KANSL1: variants seen among roughly 807,000 people sequenced by gnomAD.
KANSL1 encodes KAT8 regulatory NSL complex subunit 1.
A neutral mutation model predicts 103.6 loss-of-function variants in KANSL1; 22 were observed. That is an observed-to-expected ratio of 0.21 (90% CI 0.15 to 0.30). KANSL1 has a LOEUF of 0.30. KANSL1 is among the 10% of genes least tolerant of loss of function. The pLI is 1.00. For synonymous variants in KANSL1, 600 were observed against 527.6 expected, an observed-to-expected ratio of 1.14 and a Z score of -1.88; for missense variants, 1,337 against 1,399.8, an observed-to-expected ratio of 0.96 and a Z score of 0.72.
At chr17:46,133,016 CTGTT>C (rs2043944152) in intron 2 of KANSL1, among the ~76,000 whole-genome samples, 2 of 152,224 alleles carry the variant, frequency 1.3e-5, no homozygotes, top group African/African-American at 2.4e-5. Context: ...ATCATGGAGA[CTGTT>C]TGTTTAGGGT....
chr17:46,075,550 T>A (rs1287776681), intron 4 of KANSL1, among the ~76,000 whole-genome samples: 2 of 152,204 alleles, frequency 1.3e-5, no homozygotes, highest in African/African-American at 2.4e-5. Context: ...TTGGCCAGGC[T>A]GGTCTCAAAT....
At chr17:46,208,850 C>T (rs1356238726) in intron 1 of KANSL1, among the ~76,000 whole-genome samples, 1 of 139,058 alleles carries the variant, frequency 7.2e-6, no homozygotes, top group Non-Finnish European at 1.5e-5. Flanking sequence ...AAGACTCCGT[C>T]TCAAAAAAAA....
intron 1 of KANSL1, among the ~76,000 whole-genome samples, chr17:46,174,024 T>C (rs954130116): frequency 2.0e-5 from 3 of 152,254 alleles, no homozygotes; most frequent in Non-Finnish European, 4.4e-5. Flanking sequence ...GACATTTCCT[T>C]GCAAATGAAC....
intron 3 of KANSL1, among the ~76,000 whole-genome samples, chr17:46,091,820 T>TGTATGTATGTATGTAG (rs2079402837): frequency 6.6e-6 from 1 of 151,964 alleles, no homozygotes; most frequent in African/African-American, 2.4e-5. Context: ...TAAGTATGTA[T>TGTATGTATGTATGTAG]GTATGTATGT....
chr17:46,062,878 C>CT (rs2078230133), intron 6 of KANSL1, among the ~76,000 whole-genome samples: 2 of 151,656 alleles, frequency 1.3e-5, no homozygotes, highest in African/African-American at 2.4e-5. Context: ...GGTGAAACCT[C>CT]ATCTCTACTA....
upstream of KANSL1, among the ~76,000 whole-genome samples, chr17:46,223,978 A>C (rs1303497901): frequency 6.6e-6 from 1 of 151,476 alleles, no homozygotes; most frequent in Non-Finnish European, 1.5e-5. Context: ...ATGTGTGTAG[A>C]AACATACTTT....
chr17:46,034,211 A>G lies in KANSL1; in HGVS notation c.2616T>C (p.Ala872=). 9 of 1,614,206 alleles carry G rather than the reference A, an allele frequency of 5.6e-6. No individual in the cohort carries two copies. The highest frequency in any genetic ancestry group is 2.2e-5 in the East Asian group (1 of 44,890). ...INNIVIPMSV[A]ATTRVEKLQY... ...GCAGTTTCTCTACGCGAGTTGTTGC[A>G]GCAACAGACATTGGGATGACAATGT... is the stretch of plus-strand genomic sequence containing the variant. The change falls in exon 11 of 15, where the codon GCT becomes GCC. Residue 872 remains alanine, a synonymous_variant. Transcript: ENST00000432791.
rs1474166728 is a variant in KANSL1, at chr17:46,033,108, T to G, written c.2809A>C (p.Ser937Arg). The change falls in exon 13 of 15, where the codon AGT becomes CGT. Residue 937 changes from serine to arginine, a missense_variant. Coordinates refer to ENST00000432791, the MANE Select transcript of KANSL1 (RefSeq NM_015443.4). The part of the protein sequence containing the change: ...MERARWLWTT[S>R]VPPQRRGSRS... Reference sequence around the variant, plus strand: ...CTGCCCCGCCGCTGGGGTGGCACACTCGTGGTCCACAGCCACCGTGCCCTC... The same window carrying G: ...CTGCCCCGCCGCTGGGGTGGCACACGCGTGGTCCACAGCCACCGTGCCCTC... 6.3e-7 allele frequency: 1 copy of G among 1,598,016 alleles called. No individual in the cohort carries two copies. The highest frequency in any genetic ancestry group is 8.5e-7 in the Non-Finnish European group (1 of 1,171,854).
chr17:46,139,165 A>G (rs560306651), intron 2 of KANSL1, among the ~76,000 whole-genome samples: 1 of 152,324 alleles, frequency 6.6e-6, no homozygotes, highest in Non-Finnish European at 1.5e-5. Context: ...ACAGGAAACC[A>G]ATGTCTATTT....
At chr17:46,138,322 A>C (rs916163310) in intron 2 of KANSL1, among the ~76,000 whole-genome samples, 6 of 152,232 alleles carry the variant, frequency 3.9e-5, no homozygotes, top group African/African-American at 1.4e-4. Context: ...TTTAAAAAAC[A>C]ATGTCTGTAC....
intron 1 of KANSL1, among the ~76,000 whole-genome samples, chr17:46,184,369 T>C (rs1352540006): frequency 2.6e-5 from 4 of 152,236 alleles, no homozygotes; most frequent in African/African-American, 9.7e-5. Context: ...CAGGCAGTAA[T>C]AATCTCCCAA....
chr17:46,147,011 C>G (rs1438352554), intron 2 of KANSL1, among the ~76,000 whole-genome samples: 1 of 151,976 alleles, frequency 6.6e-6, no homozygotes, highest in Non-Finnish European at 1.5e-5. Context: ...CTGAGCAACA[C>G]AGTGAGACTC....
intron 1 of KANSL1, among the ~76,000 whole-genome samples, chr17:46,206,102 A>G (rs1276086824): frequency 6.6e-6 from 1 of 151,922 alleles, no homozygotes; most frequent in Admixed American, 6.6e-5. Flanking sequence ...AAAAAAAAAA[A>G]AAAGGAAAGA....
chr17:46,091,829 G>GTATGTATA (rs2079403548), intron 3 of KANSL1, among the ~76,000 whole-genome samples: 1 of 152,094 alleles, frequency 6.6e-6, no homozygotes, highest in Non-Finnish European at 1.5e-5. Flanking sequence ...ATGTATGTAT[G>GTATGTATA]TATATGAGAC....
intron 2 of KANSL1, among the ~76,000 whole-genome samples, chr17:46,108,183 C>T (rs1421575619): frequency 1.3e-5 from 2 of 152,208 alleles, no homozygotes; most frequent in Admixed American, 6.5e-5. Flanking sequence ...GTCCTGACAA[C>T]GACCCTGTAA....
intron 1 of KANSL1, among the ~76,000 whole-genome samples, chr17:46,220,709 CAG>C (rs2048505211): frequency 1.3e-5 from 2 of 152,220 alleles, no homozygotes; most frequent in Non-Finnish European, 2.9e-5. Context: ...TTGTTTGAGA[CAG>C]AGTCTCGCTT....
rs1371894083 is a variant in KANSL1 at position 46,105,929 on chromosome 17, A to ACG, written c.1290-11229_1290-11228insCG. Among the ~76,000 whole-genome samples, 15 of 106,156 alleles carry ACG rather than the reference A, an allele frequency of 1.4e-4. No individual in the cohort carries two copies. The East Asian group carries it at 4.1e-3, about 29-fold the overall frequency. The allele number at this position is 106,156 out of a possible 152,430, so 69.6% of individuals were successfully genotyped here. On this transcript the variant is annotated intron_variant, in intron 2 of 14. Coordinates refer to ENST00000432791, the MANE Select transcript of KANSL1 (RefSeq NM_015443.4). ...TTGACACACACACACACACACACAC[A>ACG]CACACACACACACACACACCCCCCC...
intron 2 of KANSL1, among the ~76,000 whole-genome samples, chr17:46,145,242 T>G (rs1303352903): frequency 6.6e-6 from 1 of 152,258 alleles, no homozygotes; most frequent in African/African-American, 2.4e-5. Context: ...TTAAAGTCCA[T>G]GTTCAACCAC....
chr17:46,106,282 C>G (rs1598633337), intron 2 of KANSL1, among the ~76,000 whole-genome samples: 1 of 152,358 alleles, frequency 6.6e-6, no homozygotes, highest in South Asian at 2.1e-4. Context: ...AGGAATAATG[C>G]TCCAACTTTA....
Sources: allele counts gnomAD v4.1 joint callset (sites outside exome capture counted in the v4.1 genomes callset), GRCh38; gene constraint gnomAD v4.1.1; transcripts MANE v1.5; gene names NCBI Gene and HGNC (gene_info 2026-07-23, HGNC 2026-07-21).